BCAN: variants seen among roughly 807,000 people sequenced by gnomAD.
The protein encoded by BCAN is brevican core protein.
In BCAN, 51 loss-of-function variants were observed where a neutral mutation model predicts 92.4. The ratio of observed to expected loss-of-function variants is 0.55; its 90% CI spans 0.44 to 0.70. BCAN has a LOEUF of 0.70. Among genes scored for constraint, BCAN ranks in the 30% least tolerant of loss-of-function variants. BCAN has a pLI of 0.00. For missense variants in BCAN, 1,140 were observed against 1,212.1 expected (o/e 0.94, Z 0.88); for synonymous variants, 501 against 505.2 (o/e 0.99, Z 0.11).
At chr1:156,656,545 T>C (rs1679335503) in intron 9 of BCAN, among the ~76,000 whole-genome samples, 156 bp downstream of exon 9, 1 of 152,118 alleles carries the variant, frequency 6.6e-6, no homozygotes, top group African/African-American at 2.4e-5. Context: ...TACCCTCAAT[T>C]TTCTTATCTA....
Position 156,658,390 on chromosome 1 carries a change from C to A in BCAN, c.2437+119C>A. The stretch of plus-strand genomic sequence containing the variant: ...AACATAGAGGAGTCAGAACGTGTTC[C>A]AGACCATGGGAGAGCTAACAAGTTA... On this transcript the variant is annotated intron_variant, in intron 12 of 13. Transcript: ENST00000329117. This position sits in a 1 kb window ranked among gnomAD's most constrained non-coding sequence, Gnocchi z 4.4. The A allele has an allele frequency of 6.7e-7, 1 of 1,484,452 alleles. No individual in the cohort carries two copies. The highest frequency in any genetic ancestry group is 2.0e-5 in the Admixed American group (1 of 49,194). 92.0% of individuals were successfully genotyped at this position (1,484,452 alleles called of 1,614,324 possible).
chr1:156,656,210 C>A, intron 8 of BCAN, 72 bp from the exon 9 acceptor site: 1 of 1,117,674 alleles, frequency 8.9e-7, no homozygotes, highest in Non-Finnish European at 1.2e-6. Context: ...CCTCTGCACC[C>A]TCTCCTGGAG....
intron 10 of BCAN, 68 bp from the exon 11 acceptor site, chr1:156,657,607 C>A: frequency 7.3e-7 from 1 of 1,372,474 alleles, no homozygotes; most frequent in Non-Finnish European, 1.0e-6. Context: ...CACCGCAGAC[C>A]GCCCGGGAGC....
chr1:156,654,448 G>A (rs550583510), intron 8 of BCAN, among the ~76,000 whole-genome samples: 73 of 152,342 alleles, frequency 4.8e-4, no homozygotes, highest in Middle Eastern at 6.8e-3. Context: ...TCCCCACCGG[G>A]AGGGTAAGTG....
At position 156,647,712 on chromosome 1, in the gene BCAN, A is replaced by T. The variant is rs1383457329; in HGVS notation, c.641+30A>T. The T allele has an allele frequency of 6.4e-7, 1 of 1,563,736 alleles. No individual in the cohort carries two copies. Among genetic ancestry groups the T allele is most frequent in the Admixed American group, 1.8e-5 (1 of 54,534 alleles). On this transcript the variant is annotated intron_variant, in intron 4 of 13. Coordinates refer to ENST00000329117, the MANE Select transcript of BCAN (RefSeq NM_021948.5). The surrounding 1 kb of genome is among the most constrained non-coding windows in gnomAD (Gnocchi z 4.8). ...GCAGGGGCTGTGGATTGGGGCTTCT[A>T]TTGGCCCCTGAGGTGGCCATGGCCC... is the stretch of plus-strand genomic sequence containing the variant.
At chr1:156,650,587 G>A (rs150014049) in intron 6 of BCAN, among the ~76,000 whole-genome samples, 2 of 152,194 alleles carry the variant, frequency 1.3e-5, no homozygotes, top group African/African-American at 4.8e-5. Flanking sequence ...CTCAGGTGAT[G>A]CCTGAAGTTA....
At chr1:156,645,996 A>G (rs1211663972) in intron 1 of BCAN, 51 bp from the exon 2 acceptor site, 5 of 1,503,536 alleles carry the variant, frequency 3.3e-6, no homozygotes, top group African/African-American at 1.4e-5. Flanking sequence ...GCAGGGGGGA[A>G]GTCCATCCTG....
At chr1:156,657,548 AC>A (rs1317101016) in intron 10 of BCAN, 126 bp from the exon 11 acceptor site, 27 of 700,866 alleles carry the variant, frequency 3.9e-5, no homozygotes, top group Non-Finnish European at 5.7e-5. Flanking sequence ...GGGTAGAAGA[AC>A]CCGACAAGGG....
chr1:156,653,592 T>A, intron 8 of BCAN: 1 of 954,520 alleles, frequency 1.0e-6, no homozygotes, highest in Non-Finnish European at 1.2e-6. Flanking sequence ...TCTCTGTGTG[T>A]GTCTTGGCCT....
chr1:156,648,416 G>T, intron 5 of BCAN, 152 bp from the exon 6 acceptor site: 1 of 921,622 alleles, frequency 1.1e-6, no homozygotes, highest in South Asian at 1.7e-5. Flanking sequence ...CCATCTTGAG[G>T]TTCTATTCAG....
intron 8 of BCAN, chr1:156,653,539 G>A: frequency 1.0e-6 from 1 of 985,306 alleles, no homozygotes; most frequent in Non-Finnish European, 1.2e-6. Context: ...TGTGTCATGG[G>A]GAGCACTTGG....
chr1:156,654,507 TGG>T (rs1427303250), intron 8 of BCAN, among the ~76,000 whole-genome samples: 18 of 152,284 alleles, frequency 1.2e-4, no homozygotes, highest in Admixed American at 8.5e-4. Flanking sequence ...GAAAACTTTC[TGG>T]TTGTGTAGAA....
chr1:156,646,539 C>T, intron 2 of BCAN: 1 of 575,850 alleles, frequency 1.7e-6, no homozygotes, highest in Non-Finnish European at 2.9e-6. Flanking sequence ...AAGTGGAAGA[C>T]TCTGAGAGCA....
At chr1:156,648,350 T>G (rs1270826181) in intron 5 of BCAN, among the ~76,000 whole-genome samples, 2 of 152,206 alleles carry the variant, frequency 1.3e-5, no homozygotes, top group Non-Finnish European at 2.9e-5. Flanking sequence ...AGGTGGACTC[T>G]GTGCATGACT....
chr1:156,653,282 C>A, intron 8 of BCAN: 2 of 1,134,912 alleles, frequency 1.8e-6, no homozygotes, highest in Middle Eastern at 3.7e-4. Flanking sequence ...GCCTGTGTGC[C>A]GTCCCCTTTA....
Position 156,652,295 on chromosome 1 carries a change from G to C in BCAN, c.1345G>C (p.Glu449Gln). 1 of 1,611,808 alleles carries C rather than the reference G, an allele frequency of 6.2e-7. No homozygotes were observed. Among genetic ancestry groups the C allele is most frequent in the Non-Finnish European group, 8.5e-7 (1 of 1,178,994 alleles). Reference sequence around the variant, plus strand: ...ACCGCCCACGGGGTTCTCAGAAGAGGAAGGTAAGGCATTGGAGGAAGAAGA... The same window carrying C: ...ACCGCCCACGGGGTTCTCAGAAGAGCAAGGTAAGGCATTGGAGGAAGAAGA... ...MVPPTGFSEE[E>Q]GKALEEEEKY... is the part of the protein sequence containing the mutation. The change falls in exon 8 of 14, where the codon GAA becomes CAA. Residue 449 changes from glutamate to glutamine, a missense_variant. Physicochemically the swap from Glu to Gln is conservative, Grantham distance 29 (BLOSUM62 2). Around this residue, in one of 3 missense-constraint regions of BCAN, gnomAD observed 825 missense variants for 871.8 expected, o/e 0.95. Coordinates refer to ENST00000329117, the MANE Select transcript of BCAN (RefSeq NM_021948.5).
rs1294609385 is a variant in BCAN at position 156,652,740 on chromosome 1, C to A, written c.1790C>A (p.Ala597Asp). Residue 597 changes from alanine (A) to aspartate (D), a missense_variant, in exon 8 of 14, where the codon GCC becomes GAC. Ala to Asp is a moderately radical substitution (Grantham distance 126). This residue lies in a region of BCAN where 825 missense variants were observed against 871.8 expected (regional missense o/e 0.95). Coordinates refer to ENST00000329117, the MANE Select transcript of BCAN (RefSeq NM_021948.5). The stretch of plus-strand genomic sequence containing the variant: ...GAGGGTGCCCCTTCCCTGCTTCCAG[C>A]CACACGGGCCCCTGAGGGTACCAGG... ...SSEGAPSLLP[A>D]TRAPEGTREL... 3.1e-6 allele frequency: 5 copies of A among 1,604,450 alleles called. No homozygotes were observed. The highest frequency in any genetic ancestry group is 1.7e-5 in the Admixed American group (1 of 59,228).
At chr1:156,656,903 T>G in intron 9 of BCAN, 35 bp from the exon 10 acceptor site, 1 of 1,602,646 alleles carries the variant, frequency 6.2e-7, no homozygotes, top group Non-Finnish European at 8.5e-7. Context: ...CTCTGGGTTT[T>G]GGGGCCCTAA....
chr1:156,653,914 G>A (rs1679257008), intron 8 of BCAN, among the ~76,000 whole-genome samples: 1 of 152,086 alleles, frequency 6.6e-6, no homozygotes, highest in Non-Finnish European at 1.5e-5. Context: ...AGGGAACTGA[G>A]GGTCTCTCAG....
Sources: gnomAD v4.1 joint callset for allele counts (sites outside exome capture counted in the v4.1 genomes callset) on GRCh38, gnomAD v4.1.1 for gene constraint, gnomAD v4.1.1 regional missense constraint, Gnocchi (gnomAD v3.1) non-coding constraint, MANE v1.5 for transcripts, NCBI Gene and HGNC (gene_info 2026-07-23, HGNC 2026-07-21) for gene names.